ELOVL6: variants seen among roughly 807,000 people sequenced by gnomAD.
The protein encoded by ELOVL6 is ELOVL fatty acid elongase 6, also known as very long chain fatty acid elongase 6.
In ELOVL6, 8 loss-of-function variants were observed where a neutral mutation model predicts 31.7. The observed-to-expected ratio is 0.25, with a 90% CI of 0.15 to 0.45. The LOEUF (loss-of-function observed/expected upper bound fraction) is 0.45. ELOVL6 is among the 20% of genes least tolerant of loss of function. The pLI, the probability that ELOVL6 is intolerant of heterozygous loss-of-function variation, is 1.00. For synonymous variants in ELOVL6, 101 were observed against 117.7 expected (o/e 0.86, Z 0.92); for missense variants, 126 against 326.4 (o/e 0.39, Z 4.73).
intron 2 of ELOVL6, among the ~76,000 whole-genome samples, chr4:110,086,579 C>G (rs1445915433): frequency 2.0e-5 from 3 of 152,070 alleles, no homozygotes; most frequent in Non-Finnish European, 4.4e-5. Context: ...TCAGAAGTTC[C>G]TAAGTGTGAT....
intron 1 of ELOVL6, among the ~76,000 whole-genome samples, chr4:110,165,864 A>G (rs144074392): frequency 5.4e-4 from 83 of 152,304 alleles, no homozygotes; most frequent in African/African-American, 1.7e-3. Flanking sequence ...GGACAATCCT[A>G]TATCCTCTGC....
chr4:110,161,036 C>T (rs1222033330), intron 1 of ELOVL6, among the ~76,000 whole-genome samples: 1 of 152,084 alleles, frequency 6.6e-6, no homozygotes, highest in African/African-American at 2.4e-5. Flanking sequence ...CTATCTATTC[C>T]CTCTTGTAAT....
At chr4:110,057,014 A>G (rs1017310359) in intron 3 of ELOVL6, among the ~76,000 whole-genome samples, 2 of 152,236 alleles carry the variant, frequency 1.3e-5, no homozygotes, top group Non-Finnish European at 2.9e-5. Flanking sequence ...TAGGAATCCT[A>G]AAAGTCAGGA....
At chr4:110,137,546 T>C (rs1336212514) in intron 1 of ELOVL6, among the ~76,000 whole-genome samples, 1 of 151,706 alleles carries the variant, frequency 6.6e-6, no homozygotes, top group South Asian at 2.1e-4. Context: ...TTATTATCCA[T>C]GTCAGTTAAG....
chr4:110,131,177 A>G (rs1039723257), intron 1 of ELOVL6, among the ~76,000 whole-genome samples: 1 of 152,222 alleles, frequency 6.6e-6, no homozygotes, highest in African/African-American at 2.4e-5. Context: ...TCACAGTATG[A>G]TTCTAATTTA....
At chr4:110,135,588 G>T (rs531093089) in intron 1 of ELOVL6, among the ~76,000 whole-genome samples, 1 of 152,180 alleles carries the variant, frequency 6.6e-6, no homozygotes, top group African/African-American at 2.4e-5. Flanking sequence ...GTTTAAATAG[G>T]TAAGTTCAAG....
At chr4:110,073,253 T>C (rs1458197340) in intron 2 of ELOVL6, among the ~76,000 whole-genome samples, 1 of 152,172 alleles carries the variant, frequency 6.6e-6, no homozygotes, top group African/African-American at 2.4e-5. Flanking sequence ...GACTGCTGCC[T>C]GGCTTGGCAT....
chr4:110,055,019 A>G (rs1445995931), intron 3 of ELOVL6, among the ~76,000 whole-genome samples: 3 of 152,170 alleles, frequency 2.0e-5, no homozygotes, highest in African/African-American at 4.8e-5. Flanking sequence ...TCAACACCCT[A>G]TCAGGGTTAC....
chr4:110,093,595 G>A (rs977564088), intron 2 of ELOVL6, among the ~76,000 whole-genome samples: 7 of 152,130 alleles, frequency 4.6e-5, no homozygotes, highest in African/African-American at 1.7e-4. Flanking sequence ...AGAAAAGCTG[G>A]AAAATTTTCC....
At chr4:110,079,564 C>T (rs1361170836) in intron 2 of ELOVL6, among the ~76,000 whole-genome samples, 1 of 151,998 alleles carries the variant, frequency 6.6e-6, no homozygotes, top group African/African-American at 2.4e-5. Context: ...CAGAACATAC[C>T]AGAATCTCTG....
chr4:110,097,036 A>G (rs1477062054), intron 2 of ELOVL6, among the ~76,000 whole-genome samples: 1 of 152,102 alleles, frequency 6.6e-6, no homozygotes, highest in African/African-American at 2.4e-5. Flanking sequence ...GGCTGGGCGC[A>G]GTGGCTCACC....
At chr4:110,156,673 G>A (rs181792239) in intron 1 of ELOVL6, among the ~76,000 whole-genome samples, 18 of 152,168 alleles carry the variant, frequency 1.2e-4, no homozygotes, top group East Asian at 1.2e-3. Flanking sequence ...GCAACAGAGC[G>A]AGACCCTGCC....
At chr4:110,090,644 C>T (rs11723239) in intron 2 of ELOVL6, among the ~76,000 whole-genome samples, 18,068 of 134,886 alleles carry the variant, frequency 0.13, 1,278 homozygotes, top group Middle Eastern at 0.16. Context: ...CTCGCTCTGT[C>T]GCCAGGCTGG....
At chr4:110,092,439 G>A (rs954683949) in intron 2 of ELOVL6, among the ~76,000 whole-genome samples, 2 of 152,060 alleles carry the variant, frequency 1.3e-5, no homozygotes, top group African/African-American at 4.8e-5. Context: ...ATAACCATAC[G>A]GCGGGTGACC....
At chr4:110,132,195 C>G (rs1329213566) in intron 1 of ELOVL6, among the ~76,000 whole-genome samples, 1 of 151,988 alleles carries the variant, frequency 6.6e-6, no homozygotes, top group Non-Finnish European at 1.5e-5. Flanking sequence ...GGAGGAGGAG[C>G]GTGCTGAGAT....
At position 110,094,435 on chromosome 4, in the gene ELOVL6, ATAT is replaced by A. The variant is rs1560820666; in HGVS notation, c.221+11059_221+11061del. 5.6e-4 allele frequency among the ~76,000 whole-genome samples: 33 copies of A among 58,410 alleles called. 3 individuals carry two copies. Among genetic ancestry groups the A allele is most frequent in the East Asian group, 2.7e-3 (4 of 1,470 alleles). 38.3% of individuals were successfully genotyped at this position (58,410 alleles called of 152,430 possible). Reference sequence around the variant, plus strand: ...TATATATATATATATATATATATATATATATATAATATATATAACATAATATAT... The same window carrying A: ...TATATATATATATATATATATATATAATATAATATATATAACATAATATAT... On this transcript the variant is annotated intron_variant, in intron 2 of 3. Coordinates refer to ENST00000302274, the MANE Select transcript of ELOVL6 (RefSeq NM_024090.3).
At chr4:110,174,699 C>T (rs1305595585) in intron 1 of ELOVL6, among the ~76,000 whole-genome samples, 4 of 152,094 alleles carry the variant, frequency 2.6e-5, no homozygotes, top group African/African-American at 7.2e-5. Flanking sequence ...ACCTATTAGT[C>T]ACAGATGGAA....
rs1437568025 is a variant in ELOVL6 at position 110,048,952 on chromosome 4, G to GC, written c.*2385dup. On this transcript the variant is annotated 3_prime_UTR_variant, in exon 4 of 4. Transcript: ENST00000302274. ...GTTTCTAACCTGCATTAAGAGATCT[G>GC]CAATAAATCACTCAATTAAATAATT... The GC allele has an allele frequency of 6.6e-6, 1 of 152,140 alleles. No individual in the cohort carries two copies. Among genetic ancestry groups the GC allele is most frequent in the African/African-American group, 2.4e-5 (1 of 41,428 alleles). 9.4% of individuals were successfully genotyped at this position (152,140 alleles called of 1,614,324 possible).
chr4:110,084,588 A>ATATATTT (rs1553956261), intron 2 of ELOVL6, among the ~76,000 whole-genome samples: 1 of 29,660 alleles, frequency 3.4e-5, no homozygotes, highest in Non-Finnish European at 5.3e-5. Flanking sequence ...ATATATATAT[A>ATATATTT]TTTTTTTTTT....
Sources: gnomAD v4.1 joint callset for allele counts (sites outside exome capture counted in the v4.1 genomes callset) on GRCh38, gnomAD v4.1.1 for gene constraint, MANE v1.5 for transcripts, NCBI Gene and HGNC (gene_info 2026-07-23, HGNC 2026-07-21) for gene names.